SOS2: variants seen among roughly 807,000 people sequenced by gnomAD.
The protein encoded by SOS2 is son of sevenless homolog 2.
In SOS2, 65 loss-of-function variants were observed where a neutral mutation model predicts 148.2. That is an observed-to-expected ratio of 0.44 (90% CI 0.36 to 0.54). The LOEUF (loss-of-function observed/expected upper bound fraction) is 0.54. Ranked by LOEUF, SOS2 falls within the 20% of genes least tolerant of loss-of-function variation. The pLI, the probability that SOS2 is intolerant of heterozygous loss-of-function variation, is 0.00. For missense variants in SOS2, 1,341 were observed against 1,590.2 expected (o/e 0.84, Z 2.67); for synonymous variants, 539 against 537.1 (o/e 1.00, Z -0.05).
intron 16 of SOS2, among the ~76,000 whole-genome samples, chr14:50,144,400 T>C (rs1884393899): frequency 6.6e-6 from 1 of 151,990 alleles, no homozygotes; most frequent in South Asian, 2.1e-4. Flanking sequence ...TTTTCAATAG[T>C]ACATGTTAAA....
At chr14:50,167,473 T>TGCAGTAAGCCATGAATGG (rs1487673454) in intron 8 of SOS2, among the ~76,000 whole-genome samples, 17 of 152,128 alleles carry the variant, frequency 1.1e-4, no homozygotes, top group African/African-American at 3.9e-4. Context: ...AAGTCAAGGC[T>TGCAGTAAGCCATGAATGG]GCAGTAAGCC....
intron 2 of SOS2, among the ~76,000 whole-genome samples, chr14:50,202,410 G>T (rs1886520899): frequency 6.6e-6 from 1 of 152,178 alleles, no homozygotes; most frequent in Non-Finnish European, 1.5e-5. Flanking sequence ...TGAAAAATAT[G>T]CTTTCAGTCT....
At chr14:50,126,048 C>T (rs1883670574) in intron 21 of SOS2, among the ~76,000 whole-genome samples, 1 of 152,130 alleles carries the variant, frequency 6.6e-6, no homozygotes, top group Non-Finnish European at 1.5e-5. Flanking sequence ...ACCCACAAGT[C>T]AATAAGTGCC....
chr14:50,136,731 A>C (rs1884093305), intron 18 of SOS2, among the ~76,000 whole-genome samples: 2 of 152,102 alleles, frequency 1.3e-5, no homozygotes, highest in South Asian at 4.1e-4. Flanking sequence ...CTGGGATTAC[A>C]AGCACGTGCC....
At chr14:50,150,945 G>A (rs1026114016) in intron 13 of SOS2, among the ~76,000 whole-genome samples, 2 of 151,916 alleles carry the variant, frequency 1.3e-5, no homozygotes, top group South Asian at 2.1e-4. Context: ...GGCTGGTCTC[G>A]AACTCCTGAC....
rs1202582363 is a variant in SOS2 at position 50,118,678 on chromosome 14, C to A, written c.3665G>T (p.Arg1222Leu). The A allele has an allele frequency of 2.5e-6, 4 of 1,612,216 alleles. No individual in the cohort carries two copies. Among genetic ancestry groups the A allele is most frequent in the Non-Finnish European group, 3.4e-6 (4 of 1,179,636 alleles). Reference protein sequence around the residue: ...LPDTPPPVPLRPPEHFINCPF... With the variant: ...LPDTPPPVPLLPPEHFINCPF... ...ACAGTTTATAAAGTGTTCTGGAGGC[C>A]GAAGGGGAACTGGTGGAGGGGTATC... Residue 1222 changes from arginine (R) to leucine (L), a missense_variant, in exon 23 of 23, where the codon CGG (arginine) becomes CTG (leucine). Physicochemically the swap from Arg to Leu is moderately radical, Grantham distance 102 (BLOSUM62 -2). Around this residue, in one of 4 missense-constraint regions of SOS2, gnomAD observed 354 missense variants for 347.7 expected, o/e 1.02. Transcript: ENST00000216373.
At position 50,150,193 on chromosome 14, in the gene SOS2, C is replaced by T. The variant is rs1884616802; in HGVS notation, c.2199G>A (p.Lys733=). 6.2e-7 allele frequency: 1 copy of T among 1,613,168 alleles called. No homozygotes were observed. Among genetic ancestry groups the T allele is most frequent in the East Asian group, 2.2e-5 (1 of 44,860 alleles). Residue 733 remains lysine (K), a synonymous_variant, in exon 14 of 23, where the codon AAG becomes AAA. Transcript: ENST00000216373. ...GAGCTTGCTTCTTCCTCCTGATGAT[C>T]TTAGCAATTGACTCTACCCATTTTT... ...AMKKWVESIA[K]IIRRKKQAQA...
chr14:50,217,346 A>T (rs8009521), intron 1 of SOS2, among the ~76,000 whole-genome samples: 40,675 of 151,962 alleles, frequency 0.27, 6,078 homozygotes, highest in East Asian at 0.45. Flanking sequence ...AGATTTTTTT[A>T]AAAAAGAAAA....
chr14:50,118,976 T>C (rs1883410042), intron 22 of SOS2, 123 bp from the exon 23 acceptor site: 1 of 564,388 alleles, frequency 1.8e-6, no homozygotes, highest in Non-Finnish European at 3.0e-6. Flanking sequence ...CTAATCTGGG[T>C]TAATTATCAG....
chr14:50,213,123 G>A (rs1886933090), intron 1 of SOS2, among the ~76,000 whole-genome samples: 1 of 152,142 alleles, frequency 6.6e-6, no homozygotes, highest in African/African-American at 2.4e-5. Flanking sequence ...GAATGCCCAG[G>A]ATAAAATGAA....
chr14:50,222,876 T>C (rs929291882), intron 1 of SOS2, among the ~76,000 whole-genome samples: 1 of 152,216 alleles, frequency 6.6e-6, no homozygotes, highest in African/African-American at 2.4e-5. Flanking sequence ...TGATCTCACT[T>C]ATCTCTTTGT....
intron 16 of SOS2, among the ~76,000 whole-genome samples, chr14:50,142,083 C>T (rs1884313360): frequency 1.3e-5 from 2 of 151,486 alleles, no homozygotes; most frequent in Admixed American, 1.3e-4. Flanking sequence ...TCTCGGCTCA[C>T]TGGAACCTCT....
rs531142854 is a variant in SOS2 at position 50,218,844 on chromosome 14, G to T, written c.87+12353C>A. ...TTAAAAAGTTAAGCAGCCAGGCGTG[G>T]TGGCTCATGGCTATAATCCCAGCAC... On this transcript the variant is annotated intron_variant, in intron 1 of 22. Transcript: ENST00000216373. Among the ~76,000 whole-genome samples, 310 of 152,198 alleles carry T rather than the reference G, an allele frequency of 2.0e-3. 4 individuals carry two copies. The highest frequency in any genetic ancestry group is 2.9e-3 in the Non-Finnish European group (194 of 68,004).
At chr14:50,187,567 T>C (rs1381165169) in intron 5 of SOS2, among the ~76,000 whole-genome samples, 2 of 151,740 alleles carry the variant, frequency 1.3e-5, no homozygotes, top group African/African-American at 4.8e-5. Flanking sequence ...GCCAGGATGG[T>C]CTCGATCTCC....
intron 1 of SOS2, among the ~76,000 whole-genome samples, chr14:50,206,651 G>T (rs1234038498): frequency 6.6e-6 from 1 of 152,052 alleles, no homozygotes; most frequent in African/African-American, 2.4e-5. Context: ...TAAGAATGGT[G>T]GACTATAGTT....
intron 1 of SOS2, among the ~76,000 whole-genome samples, chr14:50,208,483 T>C (rs1054594287): frequency 6.6e-6 from 1 of 151,492 alleles, no homozygotes; most frequent in Admixed American, 6.6e-5. Flanking sequence ...ACCCCGCCTC[T>C]ACTAAAAATA....
intron 1 of SOS2, among the ~76,000 whole-genome samples, chr14:50,216,902 C>T (rs1035529512): frequency 6.6e-6 from 1 of 152,090 alleles, no homozygotes; most frequent in Non-Finnish European, 1.5e-5. Flanking sequence ...TCTGTAGATG[C>T]AACACAATCT....
At chr14:50,200,655 G>A (rs951368676) in intron 3 of SOS2, among the ~76,000 whole-genome samples, 2 of 151,118 alleles carry the variant, frequency 1.3e-5, no homozygotes, top group African/African-American at 4.9e-5. Flanking sequence ...AGACCAGCCT[G>A]GGCAACACAG....
chr14:50,147,549 C>T (rs1884529452), intron 14 of SOS2, among the ~76,000 whole-genome samples: 1 of 145,672 alleles, frequency 6.9e-6, no homozygotes, highest in African/African-American at 2.5e-5. Context: ...TACAACAATG[C>T]TATACGTTGT....
Sources: allele counts gnomAD v4.1 joint callset (sites outside exome capture counted in the v4.1 genomes callset), GRCh38; gene constraint gnomAD v4.1.1; regional missense constraint gnomAD v4.1.1; transcripts MANE v1.5; gene names NCBI Gene and HGNC (gene_info 2026-07-23, HGNC 2026-07-21).